The following ARNT variants were observed in gnomAD, a reference collection of about 807,000 sequenced individuals.
ARNT encodes the protein class E basic helix-loop-helix protein 2.
Under a neutral mutation model 105.0 loss-of-function variants are expected in ARNT, and 30 were observed. That is an observed-to-expected ratio of 0.29 (90% confidence interval 0.21 to 0.39). The LOEUF is 0.39. Ranked by LOEUF, ARNT falls within the 10% of genes least tolerant of loss-of-function variation. ARNT has a pLI of 1.00. For missense variants in ARNT, 748 were observed against 978.7 expected (o/e 0.76, Z 3.15); for synonymous variants, 304 against 344.0 (o/e 0.88, Z 1.29).
At chr1:150,853,618 C>A (rs1664034363) in intron 2 of ARNT, among the ~76,000 whole-genome samples, 1 of 152,174 alleles carries the variant, frequency 6.6e-6, no homozygotes, top group Admixed American at 6.5e-5. Context: ...ATATATACTT[C>A]ATTCAAGACA....
intron 19 of ARNT, among the ~76,000 whole-genome samples, chr1:150,814,692 A>C (rs1373252885): frequency 6.6e-6 from 1 of 152,076 alleles, no homozygotes; most frequent in Non-Finnish European, 1.5e-5. Context: ...AAAATACAAA[A>C]ATTAGCTGGG....
intron 5 of ARNT, among the ~76,000 whole-genome samples, chr1:150,840,436 A>G (rs1282712069): frequency 6.6e-6 from 1 of 152,252 alleles, no homozygotes; most frequent in Non-Finnish European, 1.5e-5. Context: ...CATAGCTGAT[A>G]CAAGAATTGA....
chr1:150,832,636 G>A (rs1659546922), intron 8 of ARNT, among the ~76,000 whole-genome samples: 1 of 152,158 alleles, frequency 6.6e-6, no homozygotes, highest in East Asian at 1.9e-4. Flanking sequence ...GAGTTGGCAA[G>A]CTTTTTCTGT....
chr1:150,860,215 A>AAATCTTT (rs1221352608), intron 1 of ARNT, among the ~76,000 whole-genome samples: 1 of 65,520 alleles, frequency 1.5e-5, no homozygotes. Flanking sequence ...AAAAAAAAAA[A>AAATCTTT]TTCTTTTTTT....
chr1:150,831,601 A>G, intron 10 of ARNT: 1 of 522,726 alleles, frequency 1.9e-6, no homozygotes, highest in Non-Finnish European at 3.3e-6. Flanking sequence ...GACACAGCCA[A>G]TACTGAATCA....
chr1:150,871,445 C>T (rs1003185954), intron 1 of ARNT, among the ~76,000 whole-genome samples: 2 of 150,686 alleles, frequency 1.3e-5, no homozygotes, highest in Non-Finnish European at 3.0e-5. Context: ...GGATTACAGG[C>T]ACCTGCCACC....
intron 8 of ARNT, among the ~76,000 whole-genome samples, chr1:150,833,826 G>A (rs1245196675): frequency 6.6e-6 from 1 of 151,250 alleles, no homozygotes; most frequent in African/African-American, 2.4e-5. Context: ...ATATTGCCTT[G>A]TGTTGTAACA....
At chr1:150,821,712 G>A (rs1290334615) in intron 14 of ARNT, among the ~76,000 whole-genome samples, 7 of 151,748 alleles carry the variant, frequency 4.6e-5, no homozygotes, top group African/African-American at 4.8e-5. Context: ...GCAGTGGTGC[G>A]ATCTCAGCTC....
At chr1:150,826,455 T>G in intron 13 of ARNT, 88 bp downstream of exon 13, 1 of 1,061,596 alleles carries the variant, frequency 9.4e-7, no homozygotes, top group Non-Finnish European at 1.4e-6. Context: ...CTGTAGTGCC[T>G]GCCACAGTGT....
intron 1 of ARNT, among the ~76,000 whole-genome samples, chr1:150,859,362 T>A (rs908152344): frequency 8.7e-5 from 13 of 149,786 alleles, no homozygotes; most frequent in Non-Finnish European, 1.6e-4. Flanking sequence ...TTTTTTTTTT[T>A]AAGACAGGGT....
intron 3 of ARNT, among the ~76,000 whole-genome samples, chr1:150,850,865 T>C (rs866479219): frequency 5.9e-4 from 87 of 146,812 alleles, no homozygotes; most frequent in African/African-American, 2.0e-3. Flanking sequence ...GCCCATCCTC[T>C]GAGATGTGGG....
intron 2 of ARNT, among the ~76,000 whole-genome samples, chr1:150,854,553 C>A (rs1274805854): frequency 3.3e-5 from 5 of 151,572 alleles, no homozygotes; most frequent in African/African-American, 1.2e-4. Flanking sequence ...CATGGCAAGA[C>A]CCTGTCTCAA....
chr1:150,870,742 C>A (rs1336358065), intron 1 of ARNT, among the ~76,000 whole-genome samples: 4 of 151,856 alleles, frequency 2.6e-5, no homozygotes, highest in African/African-American at 9.7e-5. Context: ...CTTTTGGGCT[C>A]AAGCAATCCA....
chr1:150,875,675 T>C (rs1299758083), intron 1 of ARNT, among the ~76,000 whole-genome samples: 1 of 152,224 alleles, frequency 6.6e-6, no homozygotes, highest in African/African-American at 2.4e-5. Flanking sequence ...GGGCTGGGAC[T>C]AGTAATTTGA....
chr1:150,823,849 CT>C (rs1243886298), intron 13 of ARNT, among the ~76,000 whole-genome samples: 105 of 122,738 alleles, frequency 8.6e-4, no homozygotes, highest in Non-Finnish European at 9.4e-4. Flanking sequence ...CGTGCCCAGA[CT>C]TTTTTTTTTT....
intron 4 of ARNT, among the ~76,000 whole-genome samples, chr1:150,844,563 C>G (rs1391634508): frequency 6.6e-6 from 1 of 152,106 alleles, no homozygotes; most frequent in African/African-American, 2.4e-5. Context: ...ATACTAAGTG[C>G]TAAGTGCTCA....
intron 14 of ARNT, chr1:150,818,385 T>G (rs1199539785): frequency 6.1e-6 from 1 of 164,508 alleles, no homozygotes; most frequent in Non-Finnish European, 1.3e-5. Context: ...CTATCTGGAG[T>G]GTGAGAATTT....
At chr1:150,868,971 T>TA (rs1199106408) in intron 1 of ARNT, among the ~76,000 whole-genome samples, 1 of 149,980 alleles carries the variant, frequency 6.7e-6, no homozygotes, top group Non-Finnish European at 1.5e-5. Context: ...TCTACAAAAT[T>TA]AAAAAATTAG....
chr1:150,836,782 C>T (rs587690729), intron 6 of ARNT, among the ~76,000 whole-genome samples: 5 of 152,314 alleles, frequency 3.3e-5, no homozygotes, highest in Admixed American at 2.0e-4. Flanking sequence ...CGGCTCCCGC[C>T]GGTAATCCCA....
Sources: allele counts gnomAD v4.1 joint callset (sites outside exome capture counted in the v4.1 genomes callset), GRCh38; gene constraint gnomAD v4.1.1; transcripts MANE v1.5; gene names NCBI Gene and HGNC (gene_info 2026-07-23, HGNC 2026-07-21).